Variants in SDK1 observed in about 807,000 individuals in gnomAD.
SDK1 encodes the protein sidekick cell adhesion molecule 1.
A neutral mutation model predicts 245.5 loss-of-function variants in SDK1; 157 were observed. The ratio of observed to expected loss-of-function variants is 0.64; its 90% CI spans 0.56 to 0.73. The LOEUF is 0.73. Ranked by LOEUF, SDK1 falls within the 30% of genes least tolerant of loss-of-function variation. SDK1 has a pLI of 0.00. For missense variants in SDK1, 3,583 were observed against 3,002.3 expected, an observed-to-expected ratio of 1.19 and a Z score of -4.52; for synonymous variants, 1,647 against 1,278.5, an observed-to-expected ratio of 1.29 and a Z score of -6.15.
chr7:3,514,538 C>T (rs932660377), intron 1 of SDK1, among the ~76,000 whole-genome samples: 1 of 152,152 alleles, frequency 6.6e-6, no homozygotes, highest in Non-Finnish European at 1.5e-5. Flanking sequence ...CTTTGTCAGT[C>T]ACTGCTCGCC....
intron 4 of SDK1, among the ~76,000 whole-genome samples, chr7:3,756,217 C>G (rs113041855): frequency 6.7e-6 from 1 of 148,758 alleles, no homozygotes; most frequent in Non-Finnish European, 1.5e-5. Context: ...ACCTGTGACA[C>G]ATGCATATCT....
intron 1 of SDK1, among the ~76,000 whole-genome samples, chr7:3,486,440 A>G (rs1287170709): frequency 6.6e-6 from 1 of 151,942 alleles, no homozygotes. Context: ...AATTTATTCT[A>G]CTTTCCTGTT....
intron 1 of SDK1, among the ~76,000 whole-genome samples, chr7:3,458,774 G>A (rs1780746858): frequency 6.6e-6 from 1 of 152,112 alleles, no homozygotes; most frequent in Non-Finnish European, 1.5e-5. Flanking sequence ...GAGTGACTTT[G>A]TAGGACTCTT....
At chr7:4,223,232 G>A (rs1007158937) in intron 40 of SDK1, among the ~76,000 whole-genome samples, 11 of 152,198 alleles carry the variant, frequency 7.2e-5, no homozygotes, top group South Asian at 2.1e-4. Flanking sequence ...CAGGAGATCC[G>A]TGAGCTTGGA....
At chr7:3,592,690 A>G (rs944474996) in intron 1 of SDK1, among the ~76,000 whole-genome samples, 2 of 152,200 alleles carry the variant, frequency 1.3e-5, no homozygotes, top group African/African-American at 4.8e-5. Context: ...AGGCTGATGA[A>G]GCGTGGGGAC....
At chr7:3,947,147 A>G (rs1780608788) in intron 5 of SDK1, among the ~76,000 whole-genome samples, 1 of 152,134 alleles carries the variant, frequency 6.6e-6, no homozygotes, top group Non-Finnish European at 1.5e-5. Context: ...AGATATATAC[A>G]TGAGCATGCA....
At chr7:4,063,573 C>T (rs952631521) in intron 19 of SDK1, among the ~76,000 whole-genome samples, 3 of 148,592 alleles carry the variant, frequency 2.0e-5, no homozygotes, top group Non-Finnish European at 4.4e-5. Flanking sequence ...TATCAAAATA[C>T]CAGTGTCATT....
intron 1 of SDK1, among the ~76,000 whole-genome samples, chr7:3,534,820 A>G (rs555172873): frequency 1.3e-5 from 2 of 152,344 alleles, no homozygotes; most frequent in African/African-American, 4.8e-5. Flanking sequence ...CTGGAAATAG[A>G]TGCCGGCAGT....
chr7:3,689,409 C>G (rs1325676018), intron 4 of SDK1, among the ~76,000 whole-genome samples: 2 of 152,148 alleles, frequency 1.3e-5, no homozygotes, highest in Non-Finnish European at 2.9e-5. Context: ...GACAGTAAAC[C>G]TGGTACAAGC....
chr7:4,019,196 G>T (rs1234755672), intron 17 of SDK1, among the ~76,000 whole-genome samples: 1 of 152,198 alleles, frequency 6.6e-6, no homozygotes, highest in Non-Finnish European at 1.5e-5. Context: ...ACAGTTTATA[G>T]GATACAGCAG....
intron 14 of SDK1, among the ~76,000 whole-genome samples, chr7:3,996,967 C>T (rs1196878756): frequency 6.6e-6 from 1 of 152,082 alleles, no homozygotes; most frequent in Non-Finnish European, 1.5e-5. Context: ...TTGTATGTAA[C>T]AAAATGCAGG....
At chr7:4,160,622 T>A (rs1781052666) in intron 31 of SDK1, among the ~76,000 whole-genome samples, 1 of 152,194 alleles carries the variant, frequency 6.6e-6, no homozygotes, top group Non-Finnish European at 1.5e-5. Context: ...TGTGGACGGT[T>A]TACTGATGAA....
chr7:3,360,051 C>T (rs1321625092), intron 1 of SDK1, among the ~76,000 whole-genome samples: 5 of 152,330 alleles, frequency 3.3e-5, no homozygotes, highest in African/African-American at 9.6e-5. Context: ...TCTTTGCAAG[C>T]TGCAAAATGT....
At chr7:3,487,400 C>A (rs1397185443) in intron 1 of SDK1, among the ~76,000 whole-genome samples, 2 of 151,662 alleles carry the variant, frequency 1.3e-5, no homozygotes, top group African/African-American at 4.8e-5. Context: ...TCAACAAGCA[C>A]AATATTGTGA....
intron 28 of SDK1, among the ~76,000 whole-genome samples, chr7:4,140,909 C>G (rs1483723603): frequency 6.6e-6 from 1 of 152,158 alleles, no homozygotes; most frequent in East Asian, 1.9e-4. Context: ...CAAGACCAGC[C>G]TGTGCAACAT....
chr7:3,515,163 C>A (rs1025682803), intron 1 of SDK1, among the ~76,000 whole-genome samples: 1 of 152,108 alleles, frequency 6.6e-6, no homozygotes, highest in African/African-American at 2.4e-5. Context: ...TCTCATTCTG[C>A]TGTTTTGAGC....
Position 4,268,574 on chromosome 7 carries a change from C to G in SDK1, c.*3190C>G. The G allele has an allele frequency of 1.5e-6, 2 of 1,345,730 alleles. No individual in the cohort carries two copies. Among genetic ancestry groups the G allele is most frequent in the South Asian group, 2.4e-5 (2 of 83,618 alleles). The allele number at this position is 1,345,730 out of a possible 1,614,324, so 83.4% of individuals were successfully genotyped here. A position where few individuals can be genotyped will look rare whatever the true frequency, so the allele number is the denominator to read the frequency against. On this transcript the variant is annotated 3_prime_UTR_variant, in exon 45 of 45. Coordinates refer to ENST00000404826, the MANE Select transcript of SDK1 (RefSeq NM_152744.4). Reference sequence around the variant, plus strand: ...GGGAGGTGGCTCACTCTGTACAGGTCTTCGGAGGCCGTGTTTGTATCTAAC... The same window carrying G: ...GGGAGGTGGCTCACTCTGTACAGGTGTTCGGAGGCCGTGTTTGTATCTAAC...
chr7:3,843,751 T>C (rs1180980764), intron 5 of SDK1, among the ~76,000 whole-genome samples: 1 of 152,198 alleles, frequency 6.6e-6, no homozygotes, highest in African/African-American at 2.4e-5. Flanking sequence ...GCTTTTTGGC[T>C]GCCTGGTTCT....
At chr7:4,183,120 T>C (rs1463936497) in intron 35 of SDK1, among the ~76,000 whole-genome samples, 1 of 152,146 alleles carries the variant, frequency 6.6e-6, no homozygotes, top group Non-Finnish European at 1.5e-5. Flanking sequence ...CCTCATGTGC[T>C]GAGTCCACCT....
Sources: allele counts gnomAD v4.1 joint callset (sites outside exome capture counted in the v4.1 genomes callset), GRCh38; gene constraint gnomAD v4.1.1; transcripts MANE v1.5; gene names NCBI Gene and HGNC (gene_info 2026-07-23, HGNC 2026-07-21).